The following NELL2 variants were observed in gnomAD, a reference collection of about 807,000 sequenced individuals.
NELL2 encodes the protein protein kinase C-binding protein NELL2.
A neutral mutation model predicts 109.6 loss-of-function variants in NELL2; 41 were observed. The ratio of observed to expected loss-of-function variants is 0.37; its 90% CI spans 0.29 to 0.49. NELL2 has a LOEUF of 0.49. Ranked by LOEUF, NELL2 falls within the 20% of genes least tolerant of loss-of-function variation. NELL2 has a pLI of 0.98. For missense variants in NELL2, 900 were observed against 1,008.3 expected, an observed-to-expected ratio of 0.89 and a Z score of 1.45; for synonymous variants, 355 against 344.7, an observed-to-expected ratio of 1.03 and a Z score of -0.33.
intron 9 of NELL2, among the ~76,000 whole-genome samples, chr12:44,758,540 T>TGA (rs1272669476): frequency 6.6e-6 from 1 of 152,178 alleles, no homozygotes; most frequent in Non-Finnish European, 1.5e-5. Flanking sequence ...TAAAAATCCA[T>TGA]GAAAGAGGGG....
At chr12:44,731,526 T>C (rs368681431) in intron 9 of NELL2, among the ~76,000 whole-genome samples, 1 of 152,004 alleles carries the variant, frequency 6.6e-6, no homozygotes, top group Non-Finnish European at 1.5e-5. Context: ...AGAAAAAGCA[T>C]TTGACAGAAT....
chr12:44,754,484 A>T (rs1402947139), intron 9 of NELL2, among the ~76,000 whole-genome samples: 2 of 152,182 alleles, frequency 1.3e-5, no homozygotes, highest in African/African-American at 4.8e-5. Context: ...TTACATTACT[A>T]AAGTCATTCC....
At chr12:44,672,533 C>A (rs1948175971) in intron 12 of NELL2, among the ~76,000 whole-genome samples, 1 of 152,296 alleles carries the variant, frequency 6.6e-6, no homozygotes, top group Non-Finnish European at 1.5e-5. Flanking sequence ...GGGACTACTA[C>A]CATAGATGTA....
At chr12:44,910,217 T>G (rs117003575) in intron 1 of NELL2, among the ~76,000 whole-genome samples, 221 of 151,990 alleles carry the variant, frequency 1.5e-3, no homozygotes, top group Middle Eastern at 6.8e-3. Flanking sequence ...TATTCACAAA[T>G]TTTGCATCTG....
At chr12:44,848,030 CAAAAAAAAAA>C (rs567012744) in intron 2 of NELL2, among the ~76,000 whole-genome samples, 2 of 69,370 alleles carry the variant, frequency 2.9e-5, no homozygotes, top group Non-Finnish European at 6.0e-5. Flanking sequence ...AACTCTGTCT[CAAAAAAAAAA>C]AAAAAAAAGG....
chr12:44,699,387 T>A (rs1949156801), intron 12 of NELL2, among the ~76,000 whole-genome samples: 1 of 152,086 alleles, frequency 6.6e-6, no homozygotes, highest in Non-Finnish European at 1.5e-5. Flanking sequence ...AATATTATAC[T>A]ATGTTTATAA....
intron 15 of NELL2, among the ~76,000 whole-genome samples, chr12:44,546,829 C>A (rs540834018): frequency 6.6e-6 from 1 of 152,016 alleles, no homozygotes; most frequent in African/African-American, 2.4e-5. Flanking sequence ...TAATTGTGTA[C>A]TTGAGTAATG....
chr12:44,876,319 G>A, upstream of NELL2: 2 of 1,167,378 alleles, frequency 1.7e-6, no homozygotes, highest in Non-Finnish European at 1.1e-6. Context: ...AGACAATGGA[G>A]AAAGCTCCGG....
intron 12 of NELL2, among the ~76,000 whole-genome samples, chr12:44,668,640 C>T (rs1017057356): frequency 5.3e-5 from 8 of 152,094 alleles, no homozygotes; most frequent in South Asian, 2.1e-4. Context: ...GGTATAGGCC[C>T]GCCATGCCTG....
intron 13 of NELL2, among the ~76,000 whole-genome samples, chr12:44,643,642 A>T (rs1203693822): frequency 6.6e-6 from 1 of 152,194 alleles, no homozygotes; most frequent in East Asian, 1.9e-4. Flanking sequence ...TCATACATAT[A>T]CAAAAGAAAT....
chr12:44,623,905 A>G (rs1324225569), intron 13 of NELL2, among the ~76,000 whole-genome samples: 1 of 151,934 alleles, frequency 6.6e-6, no homozygotes, highest in Non-Finnish European at 1.5e-5. Context: ...CAAACACTGC[A>G]TGTTCTCACT....
chr12:44,801,884 A>C (rs999534396), intron 3 of NELL2, among the ~76,000 whole-genome samples: 1 of 152,070 alleles, frequency 6.6e-6, no homozygotes, highest in African/African-American at 2.4e-5. Flanking sequence ...GATGTGCTGC[A>C]CCAGGCACAG....
chr12:44,758,812 C>T (rs1375241789), intron 9 of NELL2, among the ~76,000 whole-genome samples: 1 of 152,170 alleles, frequency 6.6e-6, no homozygotes, highest in Non-Finnish European at 1.5e-5. Flanking sequence ...GACTGAAATT[C>T]AAAGGGTTAA....
At position 44,816,065 on chromosome 12, in the gene NELL2, C is replaced by A; in HGVS notation, c.256G>T (p.Glu86Ter). 1 of 1,613,648 alleles carries A rather than the reference C, an allele frequency of 6.2e-7. No individual in the cohort carries two copies. The highest frequency in any genetic ancestry group is 8.5e-7 in the Non-Finnish European group (1 of 1,179,840). ...TTTAGGGTCACCAAAATAGTAAATT[C>A]ATGTTTATTTCTCAGCTTCTGAAAA... The part of the protein sequence containing the change: ...QFFQKLRNKH[E>*]FTILVTLKQT... The change falls in exon 3 of 20, where the codon GAA becomes TAA. Residue 86 changes from glutamate to a stop codon, truncating the protein, a stop_gained. Transcript: ENST00000429094. LOFTEE classifies it high-confidence loss of function.
At position 44,703,841 on chromosome 12, in the gene NELL2, A is replaced by G. The variant is rs1451359440; in HGVS notation, c.1203T>C (p.Cys401=). 2 of 1,612,642 alleles carry G rather than the reference A, an allele frequency of 1.2e-6. No individual in the cohort carries two copies. The highest frequency in any genetic ancestry group is 1.7e-6 in the Non-Finnish European group (2 of 1,179,388). Residue 401 remains cysteine (C), a synonymous_variant, in exon 12 of 20, where the codon TGT becomes TGC. Coordinates refer to ENST00000429094, the MANE Select transcript of NELL2 (RefSeq NM_001145108.2). ...CCKVCKGYDF[C]SERHNCMENS... ...TCTCCATGCAGTTATGCCTTTCAGA[A>G]CAAAAGTCATAACCTACAGAAAAAA...
Position 44,607,283 on chromosome 12 carries a change from A to G in NELL2, c.1568-19T>C. On this transcript the variant is annotated intron_variant, in intron 14 of 19. Coordinates refer to ENST00000429094, the MANE Select transcript of NELL2 (RefSeq NM_001145108.2). ...CAAAATGCTAAAATAATTCAGATAC[A>G]TGATTTTAGCACTTTAGAAGTAAGT... 6.2e-7 allele frequency: 1 copy of G among 1,603,590 alleles called. No homozygotes were observed. Among genetic ancestry groups the G allele is most frequent in the Non-Finnish European group, 8.5e-7 (1 of 1,172,496 alleles).
intron 12 of NELL2, among the ~76,000 whole-genome samples, chr12:44,668,805 C>G (rs939383341): frequency 5.3e-5 from 8 of 152,112 alleles, no homozygotes; most frequent in African/African-American, 1.9e-4. Flanking sequence ...GGCTCAGAGA[C>G]CTGAGGGTTG....
At chr12:44,882,102 T>C (rs1945417945) in intron 1 of NELL2, among the ~76,000 whole-genome samples, 1 of 151,846 alleles carries the variant, frequency 6.6e-6, no homozygotes, top group South Asian at 2.1e-4. Context: ...TGATTGCCAA[T>C]AGACCTACTC....
At chr12:44,623,806 C>T (rs569191209) in intron 13 of NELL2, among the ~76,000 whole-genome samples, 63 of 152,186 alleles carry the variant, frequency 4.1e-4, no homozygotes, top group South Asian at 1.0e-3. Flanking sequence ...AGAAACGTGA[C>T]CCGAAGACCA....
Sources: allele counts gnomAD v4.1 joint callset (sites outside exome capture counted in the v4.1 genomes callset), GRCh38; gene constraint gnomAD v4.1.1; transcripts MANE v1.5; gene names NCBI Gene and HGNC (gene_info 2026-07-23, HGNC 2026-07-21).